The following FHL5 variants were observed in gnomAD, a reference collection of about 807,000 sequenced individuals.
FHL5 encodes four and a half LIM domains protein 5.
FHL5 carries 33 observed loss-of-function variants against 32.0 expected under a neutral mutation model. The observed-to-expected ratio is 1.03, with a 90% CI of 0.78 to 1.38. The LOEUF is 1.38. Ranked by LOEUF, FHL5 falls within the 40% of genes most tolerant of loss-of-function variation. The probability of loss-of-function intolerance (pLI) is 0.00; values close to 1 mark genes in which losing one functional copy is unlikely to be tolerated. For missense variants in FHL5, 336 were observed against 343.9 expected (o/e 0.98, Z 0.18); for synonymous variants, 114 against 113.6 (o/e 1.00, Z -0.02).
chr6:96,608,927 T>C (rs1771340642), intron 4 of FHL5, among the ~76,000 whole-genome samples: 1 of 152,204 alleles, frequency 6.6e-6, no homozygotes, highest in East Asian at 1.9e-4. Context: ...ATTTTTCAAG[T>C]TTCAGATCTT....
rs113532970 is a variant in FHL5, at chr6:96,610,268, A to G, written c.505-304A>G. ...TCCAATATGGCCCTGCCTCTGTTCT[A>G]TTTCATTGTAGGAGAAAAATATACA... On this transcript the variant is annotated intron_variant, in intron 4 of 5. Coordinates refer to ENST00000450218, the MANE Select transcript of FHL5 (RefSeq NM_001322466.2). Among the ~76,000 whole-genome samples the G allele has an allele frequency of 7.3e-3, 1,117 of 152,210 alleles. 14 individuals are homozygous for G. The highest frequency in any genetic ancestry group is 0.026 in the African/African-American group (1,073 of 41,514).
intron 1 of FHL5, among the ~76,000 whole-genome samples, chr6:96,597,021 A>T (rs1771050146): frequency 6.6e-6 from 1 of 152,008 alleles, no homozygotes. Flanking sequence ...AAATCAAGCC[A>T]TCATTACCTC....
chr6:96,615,285 A>C (rs941569947), intron 5 of FHL5, among the ~76,000 whole-genome samples: 2 of 152,200 alleles, frequency 1.3e-5, no homozygotes, highest in African/African-American at 4.8e-5. Flanking sequence ...TCTTTCCACT[A>C]TGCTACACTG....
At chr6:96,565,125 C>G (rs2127956876) in intron 1 of FHL5, among the ~76,000 whole-genome samples, 1 of 152,050 alleles carries the variant, frequency 6.6e-6, no homozygotes, top group Middle Eastern at 3.4e-3. Context: ...GATGACATAC[C>G]CTAGTATTTT....
At chr6:96,584,435 ATGTGTGTGTGTG>A (rs141920939) in intron 1 of FHL5, among the ~76,000 whole-genome samples, 1 of 146,772 alleles carries the variant, frequency 6.8e-6, no homozygotes, top group Non-Finnish European at 1.5e-5. Context: ...CAGGTGGGAT[ATGTGTGTGTGTG>A]TGTGTGTGTG....
At position 96,615,582 on chromosome 6, in the gene FHL5, T is replaced by G. The variant is rs550127306; in HGVS notation, c.692-27T>G. The stretch of plus-strand genomic sequence containing the variant: ...CAATCTGTTCCTTGAAAGGATAGAT[T>G]AATCTTTTTCTCCAATTCCTTTACA... On this transcript the variant is annotated intron_variant, in intron 5 of 5. Coordinates refer to ENST00000450218, the MANE Select transcript of FHL5 (RefSeq NM_001322466.2). 4 of 1,573,270 alleles carry G rather than the reference T, an allele frequency of 2.5e-6. No homozygotes were observed. In the South Asian group the frequency reaches 3.5e-5, roughly 14 times the overall value.
intron 1 of FHL5, among the ~76,000 whole-genome samples, chr6:96,581,453 T>C (rs1770694836): frequency 6.6e-6 from 1 of 152,210 alleles, no homozygotes; most frequent in Admixed American, 6.6e-5. Flanking sequence ...GTTTATGTTA[T>C]CTTATGCCAC....
chr6:96,568,301 C>T (rs1770403737), intron 1 of FHL5, among the ~76,000 whole-genome samples: 1 of 151,722 alleles, frequency 6.6e-6, no homozygotes, highest in Non-Finnish European at 1.5e-5. Context: ...TATTACATCC[C>T]TGAGGTAAAT....
At chr6:96,607,263 A>C (rs1390054974) in intron 4 of FHL5, among the ~76,000 whole-genome samples, 1 of 152,142 alleles carries the variant, frequency 6.6e-6, no homozygotes, top group African/African-American at 2.4e-5. Flanking sequence ...AATCATGAAA[A>C]TACATTGGAT....
At chr6:96,570,321 T>C (rs1770448828) in intron 1 of FHL5, among the ~76,000 whole-genome samples, 1 of 152,186 alleles carries the variant, frequency 6.6e-6, no homozygotes, top group South Asian at 2.1e-4. Context: ...TCCTCGCCTG[T>C]GAGGTTTCTG....
chr6:96,601,285 G>T (rs1219767987), intron 1 of FHL5, among the ~76,000 whole-genome samples: 1 of 151,716 alleles, frequency 6.6e-6, no homozygotes, highest in Non-Finnish European at 1.5e-5. Flanking sequence ...AGTGAGCCGA[G>T]ATCACACCAC....
intron 1 of FHL5, among the ~76,000 whole-genome samples, chr6:96,591,240 T>A (rs551027843): frequency 6.6e-6 from 1 of 152,300 alleles, no homozygotes; most frequent in African/African-American, 2.4e-5. Flanking sequence ...TAATTACAAA[T>A]TCAACTTATC....
intron 1 of FHL5, among the ~76,000 whole-genome samples, chr6:96,596,142 G>A (rs986007965): frequency 6.6e-6 from 1 of 151,902 alleles, no homozygotes; most frequent in African/African-American, 2.4e-5. Flanking sequence ...TATAAGTTCA[G>A]GCTGTAAATA....
At chr6:96,601,084 C>G (rs1771138445) in intron 1 of FHL5, among the ~76,000 whole-genome samples, 1 of 152,184 alleles carries the variant, frequency 6.6e-6, no homozygotes, top group Non-Finnish European at 1.5e-5. Context: ...GCCTGTAATC[C>G]CAGCACTTCG....
intron 1 of FHL5, among the ~76,000 whole-genome samples, chr6:96,597,229 T>A: frequency 6.6e-6 from 1 of 151,658 alleles, no homozygotes; most frequent in East Asian, 1.9e-4. Context: ...TATGTATACA[T>A]GTGTTTAACA....
chr6:96,587,471 A>C (rs1016640668), intron 1 of FHL5, among the ~76,000 whole-genome samples: 3 of 152,180 alleles, frequency 2.0e-5, no homozygotes, highest in African/African-American at 7.2e-5. Flanking sequence ...ATCACTTACA[A>C]AAGTGTCAAA....
At chr6:96,595,149 C>G (rs2971606) in intron 1 of FHL5, among the ~76,000 whole-genome samples, 39,664 of 151,334 alleles carry the variant, frequency 0.26, 5,646 homozygotes, top group African/African-American at 0.37. Flanking sequence ...CTTTAGAATT[C>G]CCTTCAGTGA....
intron 1 of FHL5, among the ~76,000 whole-genome samples, chr6:96,589,794 G>T (rs1477777066): frequency 1.3e-5 from 2 of 151,912 alleles, no homozygotes; most frequent in African/African-American, 4.8e-5. Context: ...AAGGATTATT[G>T]CTTTGTCCTA....
chr6:96,609,090 A>G (rs1771343431), intron 4 of FHL5, among the ~76,000 whole-genome samples: 1 of 152,214 alleles, frequency 6.6e-6, no homozygotes, highest in African/African-American at 2.4e-5. Context: ...TATTCAGAAT[A>G]GTATGCTTTT....
Sources: gnomAD v4.1 joint callset for allele counts (sites outside exome capture counted in the v4.1 genomes callset) on GRCh38, gnomAD v4.1.1 for gene constraint, MANE v1.5 for transcripts, NCBI Gene and HGNC (gene_info 2026-07-23, HGNC 2026-07-21) for gene names.